The following USP34 variants were observed in gnomAD, a reference collection of about 807,000 sequenced individuals.
USP34 encodes the protein ubiquitin carboxyl-terminal hydrolase 34.
Under a neutral mutation model 460.3 loss-of-function variants are expected in USP34, and 70 were observed. The observed-to-expected ratio is 0.15, with a 90% CI of 0.13 to 0.19. The LOEUF is 0.19. USP34 is among the 10% of genes least tolerant of loss of function. USP34 has a pLI of 1.00. For missense variants in USP34, 3,985 were observed against 4,236.2 expected, an observed-to-expected ratio of 0.94 and a Z score of 1.65; for synonymous variants, 1,647 against 1,405.3, an observed-to-expected ratio of 1.17 and a Z score of -3.85.
chr2:61,198,828 C>CA (rs1309514522), intron 75 of USP34, among the ~76,000 whole-genome samples: 1 of 152,138 alleles, frequency 6.6e-6, no homozygotes, highest in Non-Finnish European at 1.5e-5. Flanking sequence ...AAGGTCACAC[C>CA]ACTGCACTCC....
At position 61,326,456 on chromosome 2, in the gene USP34, G is replaced by C. The variant is rs138298274; in HGVS notation, c.2931-999C>G. ...GTTGGCCAGGCTGTCTCAAACTCCT[G>C]ACCTCAAGTGATCTGCCTGCCTTGG... is the stretch of plus-strand genomic sequence containing the variant. On this transcript the variant is annotated intron_variant, in intron 20 of 79. Transcript: ENST00000398571. Among the ~76,000 whole-genome samples the C allele has an allele frequency of 5.9e-5, 9 of 152,228 alleles. No homozygotes were observed. In the East Asian group the frequency reaches 1.5e-3, roughly 26 times the overall value.
intron 23 of USP34, among the ~76,000 whole-genome samples, chr2:61,317,322 T>C (rs1690779609): frequency 6.6e-6 from 1 of 152,008 alleles, no homozygotes; most frequent in African/African-American, 2.4e-5. Context: ...AGGTCAGGAG[T>C]GCAAGACCAG....
intron 3 of USP34, among the ~76,000 whole-genome samples, chr2:61,401,421 A>G (rs903275331): frequency 6.6e-6 from 1 of 150,710 alleles, no homozygotes; most frequent in Non-Finnish European, 1.5e-5. Flanking sequence ...TTTCTTTTGT[A>G]AAGATGAGCT....
chr2:61,284,836 C>CT (rs1424514329), intron 35 of USP34, 39 bp downstream of exon 35: 1 of 1,464,182 alleles, frequency 6.8e-7, no homozygotes, highest in Admixed American at 2.1e-5. Flanking sequence ...TATATTCCTG[C>CT]TATACATACA....
intron 1 of USP34, among the ~76,000 whole-genome samples, chr2:61,431,402 C>CT (rs1170766551): frequency 6.6e-6 from 1 of 152,134 alleles, no homozygotes; most frequent in Non-Finnish European, 1.5e-5. Context: ...ATTAATTAAA[C>CT]TTTTTGTAGA....
chr2:61,436,908 T>C (rs1438390156), intron 1 of USP34, among the ~76,000 whole-genome samples: 2 of 152,092 alleles, frequency 1.3e-5, no homozygotes, highest in Admixed American at 1.3e-4. Flanking sequence ...ACTATACCAA[T>C]ACATGGAAAT....
chr2:61,271,905 A>G (rs962428095), intron 41 of USP34, among the ~76,000 whole-genome samples: 1 of 152,248 alleles, frequency 6.6e-6, no homozygotes, highest in Non-Finnish European at 1.5e-5. Context: ...AGAGATTTTA[A>G]ATATCTTGGA....
At chr2:61,242,053 A>G (rs1034563905) in intron 51 of USP34, among the ~76,000 whole-genome samples, 1 of 152,150 alleles carries the variant, frequency 6.6e-6, no homozygotes, top group African/African-American at 2.4e-5. Flanking sequence ...AGAACACTAT[A>G]AAGTTGAGAC....
chr2:61,432,177 CA>C (rs1260689025), intron 1 of USP34, among the ~76,000 whole-genome samples: 1 of 147,756 alleles, frequency 6.8e-6, no homozygotes, highest in Non-Finnish European at 1.5e-5. Context: ...CACCGTTTTT[CA>C]ATTAAAAAAA....
At chr2:61,395,924 T>C (rs1693508912) in intron 3 of USP34, among the ~76,000 whole-genome samples, 1 of 150,376 alleles carries the variant, frequency 6.6e-6, no homozygotes, top group Non-Finnish European at 1.5e-5. Context: ...AAATTGTCAG[T>C]GTGGTGGTGG....
intron 3 of USP34, among the ~76,000 whole-genome samples, chr2:61,397,955 T>C (rs1024812996): frequency 6.6e-6 from 1 of 151,562 alleles, no homozygotes; most frequent in African/African-American, 2.4e-5. Context: ...TAATCCCAGC[T>C]GCTCAGCAGA....
intron 3 of USP34, among the ~76,000 whole-genome samples, chr2:61,396,861 G>T (rs930404467): frequency 6.6e-6 from 1 of 152,134 alleles, no homozygotes; most frequent in Non-Finnish European, 1.5e-5. Flanking sequence ...TCTAAAATTA[G>T]AAAGTGATGA....
intron 1 of USP34, among the ~76,000 whole-genome samples, chr2:61,435,827 G>C (rs189967135): frequency 1.3e-4 from 20 of 151,898 alleles, no homozygotes; most frequent in Non-Finnish European, 2.9e-5. Context: ...TCAGGAGTTC[G>C]AGACCAGCCT....
Position 61,402,373 on chromosome 2 carries a change from C to G in USP34, c.552+3335G>C, listed in dbSNP as rs189624746. Reference sequence around the variant, plus strand: ...ATTACCGAACCTTTTAAAATATCAGCTTTGATGGGGACAATAGGAAAGAGA... The same window carrying G: ...ATTACCGAACCTTTTAAAATATCAGGTTTGATGGGGACAATAGGAAAGAGA... On this transcript the variant is annotated intron_variant, in intron 3 of 79. Coordinates refer to ENST00000398571, the MANE Select transcript of USP34 (RefSeq NM_014709.4). Among the ~76,000 whole-genome samples the G allele has an allele frequency of 3.9e-5, 6 of 152,206 alleles. No individual in the cohort carries two copies. The South Asian group carries it at 1.2e-3, about 32-fold the overall frequency.
chr2:61,306,924 A>C (rs1380579330), intron 27 of USP34, among the ~76,000 whole-genome samples: 4 of 152,172 alleles, frequency 2.6e-5, no homozygotes, highest in Non-Finnish European at 5.9e-5. Context: ...TCAGGGATCT[A>C]GAACTAGAAA....
In USP34 at chr2:61,287,433, A is replaced by G. The variant is rs190866233; in HGVS notation, c.4749+1244T>C. Among the ~76,000 whole-genome samples the G allele has an allele frequency of 4.5e-4, 68 of 152,304 alleles. 1 individual carries two copies. The Middle Eastern group carries it at 0.034, about 76-fold the overall frequency. On this transcript the variant is annotated intron_variant, in intron 34 of 79. Transcript: ENST00000398571. ...AAAAAGATTCTATTTTTATTGCTCGATGTCCTGGTTAATACAGTTGACCCT... is the reference window on the plus strand; with the variant it reads ...AAAAAGATTCTATTTTTATTGCTCGGTGTCCTGGTTAATACAGTTGACCCT...
At chr2:61,313,729 A>G (rs957575479) in intron 25 of USP34, among the ~76,000 whole-genome samples, 1 of 152,172 alleles carries the variant, frequency 6.6e-6, no homozygotes, top group East Asian at 1.9e-4. Context: ...ATTTCCATGA[A>G]TTGCAATCTT....
chr2:61,200,210 T>A (rs1274308612), intron 75 of USP34: 2 of 152,338 alleles, frequency 1.3e-5, no homozygotes, highest in Non-Finnish European at 2.9e-5. Context: ...TGACACCACA[T>A]GTGGCTAATT....
chr2:61,427,445 G>A (rs868067565), intron 1 of USP34, among the ~76,000 whole-genome samples: 1 of 152,170 alleles, frequency 6.6e-6, no homozygotes, highest in East Asian at 1.9e-4. Context: ...ACATCTACTA[G>A]CATCAACGCC....
Sources: gnomAD v4.1 joint callset for allele counts (sites outside exome capture counted in the v4.1 genomes callset) on GRCh38, gnomAD v4.1.1 for gene constraint, MANE v1.5 for transcripts, NCBI Gene and HGNC (gene_info 2026-07-23, HGNC 2026-07-21) for gene names.